ZMYM4: variants seen among roughly 807,000 people sequenced by gnomAD.
ZMYM4 encodes zinc finger MYM-type containing 4.
In ZMYM4, 31 loss-of-function variants were observed where a neutral mutation model predicts 183.2. The ratio of observed to expected loss-of-function variants is 0.17; its 90% CI spans 0.13 to 0.23. The LOEUF is 0.23. Among genes scored for constraint, ZMYM4 ranks in the 10% least tolerant of loss-of-function variants. The pLI, the probability that ZMYM4 is intolerant of heterozygous loss-of-function variation, is 1.00. For synonymous variants in ZMYM4, 592 were observed against 631.2 expected, an observed-to-expected ratio of 0.94 and a Z score of 0.93; for missense variants, 1,273 against 1,840.3, an observed-to-expected ratio of 0.69 and a Z score of 5.64.
Position 35,366,970 on chromosome 1 carries a change from G to A in ZMYM4, c.841-3059G>A, listed in dbSNP as rs370248816. On this transcript the variant is annotated intron_variant, in intron 5 of 29. Transcript: ENST00000314607. Reference sequence around the variant, plus strand: ...GCCTGGGAGGTGGAGGTTGCAGTGAGCCAAGATCGCACCATCGTGCCCCAG... The same window carrying A: ...GCCTGGGAGGTGGAGGTTGCAGTGAACCAAGATCGCACCATCGTGCCCCAG... Among the ~76,000 whole-genome samples the A allele has an allele frequency of 9.3e-5, 14 of 150,282 alleles. No homozygotes were observed. In the East Asian group the frequency reaches 2.4e-3, roughly 26 times the overall value.
At chr1:35,376,951 G>A (rs915155132) in intron 7 of ZMYM4, among the ~76,000 whole-genome samples, 1 of 151,950 alleles carries the variant, frequency 6.6e-6, no homozygotes, top group Non-Finnish European at 1.5e-5. Flanking sequence ...CTGTTGCCCA[G>A]GCTGAAGTAC....
At position 35,421,804 on chromosome 1, in the gene ZMYM4, T is replaced by C. The variant is rs1418331269; in HGVS notation, c.*2127T>C. On this transcript the variant is annotated 3_prime_UTR_variant, in exon 30 of 30. Coordinates refer to ENST00000314607, the MANE Select transcript of ZMYM4 (RefSeq NM_005095.3). ...AAATTGTGTAAAATTACATTTTTTT[T>C]CCAGGGGAGAAAAAAACATCAAACA... 6.6e-6 allele frequency: 1 copy of C among 152,196 alleles called. No homozygotes were observed. The highest frequency in any genetic ancestry group is 2.4e-5 in the African/African-American group (1 of 41,454). The allele number at this position is 152,196 out of a possible 1,614,324, so 9.4% of individuals were successfully genotyped here. A position where few individuals can be genotyped will look rare whatever the true frequency, so the allele number is the denominator to read the frequency against.
chr1:35,304,538 A>G (rs577989255), intron 1 of ZMYM4, among the ~76,000 whole-genome samples: 26 of 150,772 alleles, frequency 1.7e-4, no homozygotes, highest in African/African-American at 5.1e-4. Context: ...GCTTACTGCA[A>G]CCTCTGCCTC....
chr1:35,376,435 G>C (rs895962412), intron 7 of ZMYM4, among the ~76,000 whole-genome samples: 2 of 152,098 alleles, frequency 1.3e-5, no homozygotes, highest in Admixed American at 6.5e-5. Context: ...CACCCTTTGG[G>C]TTGCATTTCA....
Position 35,381,247 on chromosome 1 carries a change from T to C in ZMYM4, c.1182-12T>C. 6.4e-7 allele frequency: 1 copy of C among 1,560,650 alleles called. No homozygotes were observed. Among genetic ancestry groups the C allele is most frequent in the Non-Finnish European group, 8.7e-7 (1 of 1,155,572 alleles). ...TATACCATGGCTTATGTTATTTTTT[T>C]CTTATTTTTAGAGACATTTTAAATC... On this transcript the variant is annotated splice_polypyrimidine_tract_variant and intron_variant, in intron 7 of 29. Coordinates refer to ENST00000314607, the MANE Select transcript of ZMYM4 (RefSeq NM_005095.3).
chr1:35,294,165 T>C (rs1640898866), intron 1 of ZMYM4, among the ~76,000 whole-genome samples: 1 of 151,912 alleles, frequency 6.6e-6, no homozygotes. Context: ...AAAATGTTTG[T>C]TCCAATTATT....
intron 27 of ZMYM4, 71 bp downstream of exon 27, chr1:35,414,154 T>TA: frequency 2.1e-6 from 2 of 948,762 alleles, no homozygotes; most frequent in Non-Finnish European, 1.6e-6. Context: ...TGGTTATCTT[T>TA]AAAAAAATTG....
chr1:35,372,645 A>G (rs1644239547), intron 7 of ZMYM4, among the ~76,000 whole-genome samples: 1 of 152,156 alleles, frequency 6.6e-6, no homozygotes, highest in Non-Finnish European at 1.5e-5. Flanking sequence ...CTTACCTTCA[A>G]TGCTTGGGAC....
chr1:35,280,271 T>C (rs1345754213), intron 1 of ZMYM4, among the ~76,000 whole-genome samples: 1 of 150,558 alleles, frequency 6.6e-6, no homozygotes, highest in East Asian at 2.0e-4. Context: ...TCTCTCTCTC[T>C]CTCTCTCTCC....
At chr1:35,369,866 TTTAA>T (rs1175013715) in intron 5 of ZMYM4, among the ~76,000 whole-genome samples, 159 bp from the exon 6 acceptor site, 2 of 152,118 alleles carry the variant, frequency 1.3e-5, no homozygotes, top group East Asian at 1.9e-4. Context: ...TTTACCTATA[TTTAA>T]TTATAGTTTG....
Position 35,359,156 on chromosome 1 carries a change from A to G in ZMYM4, c.317A>G (p.His106Arg). The G allele has an allele frequency of 2.5e-6, 4 of 1,613,746 alleles. No homozygotes were observed. The highest frequency in any genetic ancestry group is 1.3e-5 in the African/African-American group (1 of 75,040). Reference protein sequence around the residue: ...SSKDNLVSSIHTDDSLEVERR... With the variant: ...SSKDNLVSSIRTDDSLEVERR... ...AAGGACAATCTTGTTTCTTCAATTC[A>G]TACTGATGATAGCTTGGAAGTAGAG... The change falls in exon 3 of 30, where the codon CAT (histidine) becomes CGT (arginine). Residue 106 changes from histidine (H) to arginine (R), a missense_variant. His to Arg is a conservative substitution (Grantham distance 29, BLOSUM62 0). Transcript: ENST00000314607.
At chr1:35,334,952 A>C (rs1000369954) in intron 2 of ZMYM4, among the ~76,000 whole-genome samples, 1 of 152,224 alleles carries the variant, frequency 6.6e-6, no homozygotes, top group African/African-American at 2.4e-5. Flanking sequence ...AAAACTTTTT[A>C]TAAATTATTA....
At chr1:35,393,376 G>A (rs1023967891) in intron 17 of ZMYM4, among the ~76,000 whole-genome samples, 5 of 152,134 alleles carry the variant, frequency 3.3e-5, no homozygotes. Context: ...TAGAAATTGT[G>A]ATTAGAGACA....
intron 7 of ZMYM4, 190 bp downstream of exon 7, chr1:35,370,817 T>C (rs924927649): frequency 1.6e-6 from 1 of 639,446 alleles, no homozygotes; most frequent in Non-Finnish European, 2.3e-6. Context: ...TGCTAGGTGC[T>C]CAGCTTGTTT....
intron 1 of ZMYM4, among the ~76,000 whole-genome samples, chr1:35,278,307 G>GT (rs1192180053): frequency 6.6e-6 from 1 of 151,488 alleles, no homozygotes; most frequent in African/African-American, 2.4e-5. Context: ...GGGAGCCACA[G>GT]TTTAATACAC....
chr1:35,373,696 C>A (rs976406121), intron 7 of ZMYM4, among the ~76,000 whole-genome samples: 1 of 146,284 alleles, frequency 6.8e-6, no homozygotes, highest in African/African-American at 2.5e-5. Flanking sequence ...CCCGGCCCTG[C>A]ACGGCTAATT....
chr1:35,285,259 A>G (rs893678664), intron 1 of ZMYM4, among the ~76,000 whole-genome samples: 1 of 152,154 alleles, frequency 6.6e-6, no homozygotes, highest in Non-Finnish European at 1.5e-5. Context: ...TTGTAAATCA[A>G]GGGTAGTTAC....
At position 35,420,336 on chromosome 1, in the gene ZMYM4, C is replaced by G. The variant is rs755153486; in HGVS notation, c.*659C>G. On this transcript the variant is annotated 3_prime_UTR_variant, in exon 30 of 30. Transcript: ENST00000314607. ...GTCCCTTTCATTTTCTGGATCAAGC[C>G]TTCTCAGCGGTGGGTCTGGATGTGG... is the stretch of plus-strand genomic sequence containing the variant. The G allele has an allele frequency of 2.6e-5, 4 of 153,476 alleles. No homozygotes were observed. The highest frequency in any genetic ancestry group is 9.7e-5 in the African/African-American group (4 of 41,434). 9.5% of individuals were successfully genotyped at this position (153,476 alleles called of 1,614,324 possible). A position where few individuals can be genotyped will look rare whatever the true frequency, so the allele number is the denominator to read the frequency against.
chr1:35,302,242 A>G (rs568565210), intron 1 of ZMYM4, among the ~76,000 whole-genome samples: 4 of 103,452 alleles, frequency 3.9e-5, no homozygotes, highest in Middle Eastern at 0.011. Context: ...GGGCCTTGCT[A>G]TGTTACTCAG....
Sources: gnomAD v4.1 joint callset for allele counts (sites outside exome capture counted in the v4.1 genomes callset) on GRCh38, gnomAD v4.1.1 for gene constraint, MANE v1.5 for transcripts, NCBI Gene and HGNC (gene_info 2026-07-23, HGNC 2026-07-21) for gene names.